The following ZSCAN4 variants were observed in gnomAD, a reference collection of about 807,000 sequenced individuals.
ZSCAN4 encodes zinc finger and SCAN domain containing 4.
In ZSCAN4, 18 loss-of-function variants were observed where a neutral mutation model predicts 18.3. The observed-to-expected ratio is 0.98, with a 90% CI of 0.68 to 1.46. ZSCAN4 has a LOEUF of 1.46. Ranked by LOEUF, ZSCAN4 falls within the 40% of genes most tolerant of loss-of-function variation. ZSCAN4 has a pLI of 0.00. For missense variants in ZSCAN4, 498 were observed against 511.4 expected, an observed-to-expected ratio of 0.97 and a Z score of 0.25; for synonymous variants, 193 against 180.3, an observed-to-expected ratio of 1.07 and a Z score of -0.57.
upstream of ZSCAN4, among the ~76,000 whole-genome samples, chr19:57,667,775 G>T (rs139670811): frequency 0.019 from 2,960 of 152,218 alleles, 100 homozygotes; most frequent in African/African-American, 0.067. Context: ...CAGAGCTCAA[G>T]GAACTCCTTG....
the ZSCAN4 span, among the ~76,000 whole-genome samples, chr19:57,657,115 G>A: frequency 6.6e-6 from 1 of 152,114 alleles, no homozygotes; most frequent in African/African-American, 2.4e-5. Context: ...GAGTGTCCAG[G>A]AGTGGTGGCA....
the ZSCAN4 span, among the ~76,000 whole-genome samples, chr19:57,661,414 A>G: frequency 6.6e-6 from 1 of 152,146 alleles, no homozygotes; most frequent in South Asian, 2.1e-4. Flanking sequence ...TAACGTGCTA[A>G]TCAGTGACCA....
the ZSCAN4 span, among the ~76,000 whole-genome samples, chr19:57,663,519 C>CAAAAAAAAAAAAAAAAAAAAAAAAAA: frequency 5.5e-5 from 1 of 18,284 alleles, no homozygotes; most frequent in African/African-American, 2.2e-4. Context: ...AACCATGTCT[C>CAAAAAAAAAAAAAAAAAAAAAAAAAA]TAAAAAAAAA....
chr19:57,678,749 C>A, exon 5 of ZSCAN4: 3 of 1,614,082 alleles, frequency 1.9e-6, no homozygotes, highest in South Asian at 2.2e-5. Context: ...ACAAAACCAA[C>A]CTGCGGTCTC....
chr19:57,653,210 A>G, the ZSCAN4 span, among the ~76,000 whole-genome samples: 2 of 152,102 alleles, frequency 1.3e-5, no homozygotes, highest in Admixed American at 6.5e-5. Context: ...CCTGATCAAC[A>G]TGGTGAAACC....
Position 57,676,037 on chromosome 19 carries a change from C to T in ZSCAN4, c.-105-4C>T. 9.0e-7 allele frequency: 1 copy of T among 1,111,420 alleles called. No homozygotes were observed. Among genetic ancestry groups the T allele is most frequent in the Non-Finnish European group, 1.3e-6 (1 of 797,066 alleles). 68.8% of individuals were successfully genotyped at this position (1,111,420 alleles called of 1,614,324 possible). On this transcript the variant is annotated splice_polypyrimidine_tract_variant and splice_region_variant and intron_variant, in intron 2 of 4. Coordinates refer to ENST00000318203, the Ensembl canonical transcript of ZSCAN4. Reference sequence around the variant, plus strand: ...TTAATTACTCATCTCTTTTCTATTTCTAGCTTGCAGTTTTAAAGAATCCAC... The same window carrying T: ...TTAATTACTCATCTCTTTTCTATTTTTAGCTTGCAGTTTTAAAGAATCCAC...
At chr19:57,663,707 C>CAAAAAA in the ZSCAN4 span, among the ~76,000 whole-genome samples, 1 of 87,810 alleles carries the variant, frequency 1.1e-5, no homozygotes, top group African/African-American at 4.4e-5. Context: ...CAACCTGTCT[C>CAAAAAA]AAAAAAAAAA....
At chr19:57,678,116 T>C (rs780297111) in intron 4 of ZSCAN4, 37 bp downstream of exon 4, 24 of 1,593,718 alleles carry the variant, frequency 1.5e-5, no homozygotes, top group Non-Finnish European at 2.1e-5. Flanking sequence ...AGGAGTGTTC[T>C]ATGTGGACCC....
chr19:57,677,749 T>TA (rs752091102), intron 3 of ZSCAN4, among the ~76,000 whole-genome samples, 165 bp from the exon 4 acceptor site: 1 of 152,166 alleles, frequency 6.6e-6, no homozygotes, highest in African/African-American at 2.4e-5. Flanking sequence ...TTATTAAACA[T>TA]AAGAGCTTGT....
intron 3 of ZSCAN4, among the ~76,000 whole-genome samples, chr19:57,677,599 T>G (rs938877927): frequency 6.6e-6 from 1 of 152,192 alleles, no homozygotes; most frequent in African/African-American, 2.4e-5. Context: ...GGGGTGTCTT[T>G]GAACATATAC....
intron 2 of ZSCAN4, among the ~76,000 whole-genome samples, chr19:57,674,922 T>C (rs982525352): frequency 6.6e-6 from 1 of 151,858 alleles, no homozygotes; most frequent in African/African-American, 2.4e-5. Context: ...ATAAATTTTG[T>C]TGTAACTACT....
chr19:57,672,087 C>T (rs1984039353), intron 2 of ZSCAN4, among the ~76,000 whole-genome samples: 1 of 152,262 alleles, frequency 6.6e-6, no homozygotes, highest in East Asian at 1.9e-4. Flanking sequence ...GGGTGTGTCT[C>T]TAGTTGTCCA....
chr19:57,678,002 A>G (rs763764100), exon 4 of ZSCAN4: 2 of 1,602,628 alleles, frequency 1.2e-6, no homozygotes, highest in South Asian at 1.1e-5. Context: ...AAACAAGTGA[A>G]TGCCCAAACC....
chr19:57,651,728 A>T, the ZSCAN4 span, among the ~76,000 whole-genome samples: 2 of 152,180 alleles, frequency 1.3e-5, no homozygotes, highest in African/African-American at 4.8e-5. Flanking sequence ...GCGGCAGCTC[A>T]TCCCAGGTGA....
At chr19:57,663,579 C>G in the ZSCAN4 span, among the ~76,000 whole-genome samples, 1 of 146,124 alleles carries the variant, frequency 6.8e-6, no homozygotes, top group Non-Finnish European at 1.5e-5. Flanking sequence ...AGCCTGTAAT[C>G]CCAGCTACTT....
chr19:57,656,187 G>A, the ZSCAN4 span, among the ~76,000 whole-genome samples: 1 of 152,080 alleles, frequency 6.6e-6, no homozygotes, highest in Non-Finnish European at 1.5e-5. Context: ...CCATTGCAAT[G>A]GACACCAGAG....
chr19:57,676,001 C>T (rs1984169668), intron 2 of ZSCAN4, 40 bp from the exon 3 acceptor site: 1 of 775,914 alleles, frequency 1.3e-6, no homozygotes, highest in Non-Finnish European at 2.0e-6. Flanking sequence ...TTAATTATGC[C>T]AGTGGTGCAA....
chr19:57,659,076 GAAGA>G, the ZSCAN4 span, among the ~76,000 whole-genome samples: 1 of 152,060 alleles, frequency 6.6e-6, no homozygotes. Context: ...AATCTGTAAA[GAAGA>G]AAGAAAGCTA....
Position 57,674,373 on chromosome 19 carries a change from T to A in ZSCAN4, c.-105-1668T>A, listed in dbSNP as rs145289344. 5.5e-4 allele frequency among the ~76,000 whole-genome samples: 84 copies of A among 152,330 alleles called. 1 individual carries two copies. In the South Asian group the frequency reaches 0.011, roughly 20 times the overall value. ...AGCATCTGTTATTTCCATCCTTATG[T>A]CCATGTGTACCCACTGTTTAGCTTC... On this transcript the variant is annotated intron_variant, in intron 2 of 4. Coordinates refer to ENST00000318203, the Ensembl canonical transcript of ZSCAN4.
Sources: allele counts gnomAD v4.1 joint callset (sites outside exome capture counted in the v4.1 genomes callset), GRCh38; gene constraint gnomAD v4.1.1; transcripts MANE v1.5; gene names NCBI Gene and HGNC (gene_info 2026-07-23, HGNC 2026-07-21).